The following RNF19A variants were observed in gnomAD, a reference collection of about 807,000 sequenced individuals.
RNF19A encodes ring finger protein 19A, RBR E3 ubiquitin protein ligase, also known as E3 ubiquitin-protein ligase RNF19A.
A neutral mutation model predicts 75.7 loss-of-function variants in RNF19A; 32 were observed. The ratio of observed to expected loss-of-function variants is 0.42; its 90% CI spans 0.32 to 0.57. The LOEUF (loss-of-function observed/expected upper bound fraction) is 0.57, where lower values mean the gene tolerates loss of function less well. Ranked by LOEUF, RNF19A falls within the 20% of genes least tolerant of loss-of-function variation. The probability of loss-of-function intolerance (pLI) is 0.10; values close to 1 mark genes in which losing one functional copy is unlikely to be tolerated. For synonymous variants in RNF19A, 335 were observed against 345.2 expected (o/e 0.97, Z 0.33); for missense variants, 782 against 1,036.3 (o/e 0.75, Z 3.37).
chr8:100,314,413 C>T (rs567573817), upstream of RNF19A, among the ~76,000 whole-genome samples: 2 of 152,220 alleles, frequency 1.3e-5, no homozygotes, highest in African/African-American at 4.8e-5. This position sits in a 1 kb window ranked among gnomAD's most constrained non-coding sequence, Gnocchi z 4.1. Context: ...CTGAAAGTTA[C>T]GTAGCTAAGT....
chr8:100,294,134 T>C (rs1012924829), intron 1 of RNF19A, among the ~76,000 whole-genome samples: 2 of 152,238 alleles, frequency 1.3e-5, no homozygotes, highest in African/African-American at 4.8e-5. Flanking sequence ...TCCTGCTTTT[T>C]TACATGCCTT....
chr8:100,295,811 T>C (rs1409096620), intron 1 of RNF19A, among the ~76,000 whole-genome samples: 10 of 152,218 alleles, frequency 6.6e-5, no homozygotes, highest in African/African-American at 2.2e-4. Context: ...CTGAATCATA[T>C]CATTAAGAGA....
chr8:100,301,057 G>T (rs1821801580), intron 1 of RNF19A, among the ~76,000 whole-genome samples: 1 of 152,194 alleles, frequency 6.6e-6, no homozygotes, highest in Non-Finnish European at 1.5e-5. Context: ...TGAATTTAGA[G>T]CTAGTAGGTT....
chr8:100,309,341 C>T lies in RNF19A; in HGVS notation c.-94+526G>A, dbSNP rs548825586. 176 of 985,814 alleles carry T rather than the reference C, an allele frequency of 1.8e-4. 2 individuals are homozygous for T. In the South Asian group the frequency reaches 6.5e-3, roughly 37 times the overall value. 61.1% of individuals were successfully genotyped at this position (985,814 alleles called of 1,614,324 possible). A position where few individuals can be genotyped will look rare whatever the true frequency, so the allele number is the denominator to read the frequency against. ...CCCCTCCCTAAGGCCCCAGGCAGCA[C>T]GGCTTGCGGGGCGATGTCCCGGCTC... On this transcript the variant is annotated intron_variant, in intron 1 of 9. Coordinates refer to ENST00000341084, the MANE Select transcript of RNF19A (RefSeq NM_183419.4).
chr8:100,332,227 C>A lies in RNF19A; in HGVS notation c.-243+3881G>T, dbSNP rs981471782. On this transcript the variant is annotated intron_variant, in intron 1 of 3. Transcript: ENST00000519527. This position sits in a 1 kb window ranked among gnomAD's most constrained non-coding sequence, Gnocchi z 4.8. ...TGTAAATCTTATCTTGAATTGTAAT[C>A]CCCATAATCCCCAAGTGTCGAGGGA... 2.0e-5 allele frequency among the ~76,000 whole-genome samples: 3 copies of A among 152,112 alleles called. No individual in the cohort carries two copies. Among genetic ancestry groups the A allele is most frequent in the South Asian group, 2.1e-4 (1 of 4,828 alleles).
chr8:100,311,740 GA>G (rs1563871614), upstream of RNF19A, among the ~76,000 whole-genome samples: 1 of 118,614 alleles, frequency 8.4e-6, no homozygotes, highest in African/African-American at 3.3e-5. Context: ...AAAAAAAAAA[GA>G]AAAGAAAATA....
In RNF19A at chr8:100,264,496, C is replaced by A. The variant is rs1489442198; in HGVS notation, c.1306+175G>T. 8.4e-6 allele frequency: 5 copies of A among 596,830 alleles called. No individual in the cohort carries two copies. Among genetic ancestry groups the A allele is most frequent in the Non-Finnish European group, 1.5e-5 (5 of 341,616 alleles). The allele number at this position is 596,830 out of a possible 1,614,324, so 37.0% of individuals were successfully genotyped here. ...GGGGAGGAAGGGTATCAGCCACTAA[C>A]AATTTACCAACTACTTTAAGGCTAG... is the stretch of plus-strand genomic sequence containing the variant. On this transcript the variant is annotated intron_variant, in intron 6 of 9. Coordinates refer to ENST00000341084, the MANE Select transcript of RNF19A (RefSeq NM_183419.4). The surrounding 1 kb of genome is among the most constrained non-coding windows in gnomAD (Gnocchi z 4.7).
chr8:100,268,971 A>T lies in RNF19A; in HGVS notation c.1029-24T>A, dbSNP rs865964244. 15 of 1,546,892 alleles carry T rather than the reference A, an allele frequency of 9.7e-6. 1 individual carries two copies. In the Middle Eastern group the frequency reaches 2.6e-3, roughly 267 times the overall value. ...GACTAACGGAAAAAATTATAATGTA[A>T]ATAACTGCTGCAAAACACCACAATA... On this transcript the variant is annotated intron_variant, in intron 4 of 9. Coordinates refer to ENST00000341084, the MANE Select transcript of RNF19A (RefSeq NM_183419.4).
In RNF19A at chr8:100,320,323, A is replaced by C. The variant is rs560351452; in HGVS notation, c.-242-6951T>G. On this transcript the variant is annotated intron_variant, in intron 1 of 3. Coordinates refer to the RNF19A transcript ENST00000519527. ...ACAACAACAAAACACTATTTTCAAGATCTACCCATGTTGATACATGGAAAT... is the reference window on the plus strand; with the variant it reads ...ACAACAACAAAACACTATTTTCAAGCTCTACCCATGTTGATACATGGAAAT... 1.1e-4 allele frequency among the ~76,000 whole-genome samples: 16 copies of C among 152,350 alleles called. 1 individual carries two copies. In the South Asian group the frequency reaches 2.7e-3, roughly 26 times the overall value.
intron 1 of RNF19A, among the ~76,000 whole-genome samples, chr8:100,298,640 A>G (rs906330112): frequency 6.6e-6 from 1 of 152,224 alleles, no homozygotes; most frequent in African/African-American, 2.4e-5. Flanking sequence ...GGTATTTCTT[A>G]AACAGCTTCA....
chr8:100,282,351 T>G (rs2129844375), intron 2 of RNF19A, among the ~76,000 whole-genome samples: 1 of 152,296 alleles, frequency 6.6e-6, no homozygotes, highest in Non-Finnish European at 1.5e-5. Context: ...TGCTTAAAGT[T>G]TATTACACTG....
rs2129713080 is a variant in RNF19A, at chr8:100,275,434, C to T, written c.675-273G>A. 6.7e-6 allele frequency among the ~76,000 whole-genome samples: 1 copy of T among 150,090 alleles called. No homozygotes were observed. Among genetic ancestry groups the T allele is most frequent in the South Asian group, 2.1e-4 (1 of 4,762 alleles). ...GTTTTTTTTTTAGATTCAGGGGGTA[C>T]ATGTGCAAGTTTGTTACATAGGTCT... On this transcript the variant is annotated intron_variant, in intron 2 of 9. Coordinates refer to ENST00000341084, the MANE Select transcript of RNF19A (RefSeq NM_183419.4). This position sits in a 1 kb window ranked among gnomAD's most constrained non-coding sequence, Gnocchi z 4.3.
At chr8:100,310,164 G>A (rs890295126), upstream of RNF19A, 44 of 985,140 alleles carry the variant, frequency 4.5e-5, no homozygotes, top group Non-Finnish European at 5.2e-5. Context: ...CCCGCCCCCG[G>A]CCGCCCCGCC....
At chr8:100,267,150 C>T (rs554538807) in intron 5 of RNF19A, among the ~76,000 whole-genome samples, 1 of 152,212 alleles carries the variant, frequency 6.6e-6, no homozygotes, top group South Asian at 2.1e-4. Context: ...ACTGAGTTCC[C>T]AAATAGCTAC....
rs1053326022 is a variant in RNF19A at position 100,324,865 on chromosome 8, T to G, written c.-243+11243A>C. 1.1e-4 allele frequency among the ~76,000 whole-genome samples: 17 copies of G among 148,174 alleles called. No individual in the cohort carries two copies. The highest frequency in any genetic ancestry group is 6.4e-4 in the South Asian group (3 of 4,664). ...TCCCTCCCTCCCTCCTTCCTTTCTC[T>G]CTTTCTCTTTTTTTTCTTTCTTTCT... On this transcript the variant is annotated intron_variant, in intron 1 of 3. Transcript: ENST00000519527. This position sits in a 1 kb window ranked among gnomAD's most constrained non-coding sequence, Gnocchi z 4.2.
Position 100,287,994 on chromosome 8 carries a change from T to G in RNF19A, c.181A>C (p.Lys61Gln), listed in dbSNP as rs149891168. ...VSLPSVKKAP[K>Q]KRRISIGSLF... Reference sequence around the variant, plus strand: ...GAGCCTATTGAAATTCTTCTTTTTTTGGGTGCCTTTTTGACTGAAGGCAAG... The same window carrying G: ...GAGCCTATTGAAATTCTTCTTTTTTGGGGTGCCTTTTTGACTGAAGGCAAG... Residue 61 changes from lysine (K) to glutamine (Q), a missense_variant, in exon 2 of 10, where the codon AAA becomes CAA. Lys to Gln is a moderately conservative substitution (Grantham distance 53, BLOSUM62 1). Transcript: ENST00000341084. The surrounding 1 kb of genome is among the most constrained non-coding windows in gnomAD (Gnocchi z 4.1). 1.1e-3 allele frequency: 1,783 copies of G among 1,614,212 alleles called. 3 individuals carry two copies. The highest frequency in any genetic ancestry group is 1.4e-3 in the Non-Finnish European group (1,610 of 1,180,028).
At chr8:100,279,531 A>G (rs1242947959) in intron 2 of RNF19A, among the ~76,000 whole-genome samples, 1 of 151,950 alleles carries the variant, frequency 6.6e-6, no homozygotes, top group African/African-American at 2.4e-5. Flanking sequence ...GAGCCACCAG[A>G]CCTGGCCAAT....
In RNF19A at chr8:100,325,472, C is replaced by T. The variant is rs185844806; in HGVS notation, c.-243+10636G>A. The stretch of plus-strand genomic sequence containing the variant: ...TGATGCTGGTGAGACCACACCTTGT[C>T]ACCTCTAGGTCCTCCCTTTTCAGTA... On this transcript the variant is annotated intron_variant, in intron 1 of 3. Coordinates refer to the RNF19A transcript ENST00000519527. The surrounding 1 kb of genome is among the most constrained non-coding windows in gnomAD (Gnocchi z 4.3). Among the ~76,000 whole-genome samples the T allele has an allele frequency of 9.2e-5, 14 of 152,284 alleles. No individual in the cohort carries two copies. Among genetic ancestry groups the T allele is most frequent in the Non-Finnish European group, 1.6e-4 (11 of 67,996 alleles).
At position 100,264,615 on chromosome 8, in the gene RNF19A, C is replaced by T. The variant is rs1459914292; in HGVS notation, c.1306+56G>A. 2.6e-6 allele frequency: 3 copies of T among 1,170,950 alleles called. No individual in the cohort carries two copies. Among genetic ancestry groups the T allele is most frequent in the African/African-American group, 3.1e-5 (2 of 64,406 alleles). 72.5% of individuals were successfully genotyped at this position (1,170,950 alleles called of 1,614,324 possible). A position where few individuals can be genotyped will look rare whatever the true frequency, so the allele number is the denominator to read the frequency against. On this transcript the variant is annotated intron_variant, in intron 6 of 9. Coordinates refer to ENST00000341084, the MANE Select transcript of RNF19A (RefSeq NM_183419.4). The surrounding 1 kb of genome is among the most constrained non-coding windows in gnomAD (Gnocchi z 4.7). ...AAAACAATTAAAAAAAATCCTTCCA[C>T]AAAACTTTAACTCCATAAAATTGTA...
Sources: allele counts gnomAD v4.1 joint callset (sites outside exome capture counted in the v4.1 genomes callset), GRCh38; gene constraint gnomAD v4.1.1; non-coding constraint Gnocchi (gnomAD v3.1); transcripts MANE v1.5; gene names NCBI Gene and HGNC (gene_info 2026-07-23, HGNC 2026-07-21).